SCNN1A: variants seen among roughly 807,000 people sequenced by gnomAD.
SCNN1A encodes epithelial sodium channel subunit alpha.
A neutral mutation model predicts 68.6 loss-of-function variants in SCNN1A; 65 were observed. That is an observed-to-expected ratio of 0.95 (90% CI 0.78 to 1.16). SCNN1A has a LOEUF of 1.16. SCNN1A is among the 50% of genes most tolerant of loss of function. The probability of loss-of-function intolerance (pLI) is 0.00; values close to 1 mark genes in which losing one functional copy is unlikely to be tolerated. For synonymous variants in SCNN1A, 357 were observed against 353.3 expected, an observed-to-expected ratio of 1.01 and a Z score of -0.12; for missense variants, 880 against 865.9, an observed-to-expected ratio of 1.02 and a Z score of -0.20.
At chr12:6,348,686 G>C (rs772702988) in intron 12 of SCNN1A, 41 bp downstream of exon 12, 2 of 1,541,594 alleles carry the variant, frequency 1.3e-6, no homozygotes, top group Non-Finnish European at 1.8e-6. Context: ...TGCTAAGTAA[G>C]ACCCCCAGAG....
rs776550679 is a variant in SCNN1A, at chr12:6,363,430, C to G, written c.684+13G>C. The G allele has an allele frequency of 1.3e-6, 2 of 1,539,238 alleles. No individual in the cohort carries two copies. The highest frequency in any genetic ancestry group is 1.7e-6 in the Non-Finnish European group (2 of 1,143,422). On this transcript the variant is annotated intron_variant, in intron 3 of 12. Transcript: ENST00000228916. ...GAGGGGCGGGGCGGGCCCCTCGGCG[C>G]TGCGGGCCTCACCAGCTGGAAGCCG...
chr12:6,364,019 G>A (rs895080363), intron 2 of SCNN1A: 1 of 263,160 alleles, frequency 3.8e-6, no homozygotes, highest in East Asian at 6.7e-5. Context: ...AAGGGAACCC[G>A]GAACTTGTCT....
Position 6,362,219 on chromosome 12 carries a change from C to T in SCNN1A, c.707G>A (p.Cys236Tyr). 1 of 1,614,202 alleles carries T rather than the reference C, an allele frequency of 6.2e-7. No individual in the cohort carries two copies. Among genetic ancestry groups the T allele is most frequent in the Non-Finnish European group, 8.5e-7 (1 of 1,180,012 alleles). ...CCCTGATGAGTATGTCTGGTAGAAGCAGTCCGATTTGTTCTGGTTGCACTG... is the reference window on the plus strand; with the variant it reads ...CCCTGATGAGTATGTCTGGTAGAAGTAGTCCGATTTGTTCTGGTTGCACTG... ...FQLCNQNKSD[C>Y]FYQTYSSGVD... The change falls in exon 4 of 13, where the codon TGC (cysteine) becomes TAC (tyrosine). Residue 236 changes from cysteine (C) to tyrosine (Y), a missense_variant. By Grantham distance (194) the Cys-to-Tyr change is radical (BLOSUM62 -2). This residue lies in a region of SCNN1A where 758 missense variants were observed against 721.8 expected (regional missense o/e 1.05). Transcript: ENST00000228916.
intron 8 of SCNN1A, chr12:6,349,972 C>T (rs896816493): frequency 8.3e-5 from 16 of 192,230 alleles, no homozygotes; most frequent in South Asian, 4.7e-4. Context: ...GTGATCTGCC[C>T]GCCTCGGCCT....
chr12:6,373,010 A>T (rs1291751117), intron 2 of SCNN1A, among the ~76,000 whole-genome samples: 15 of 152,164 alleles, frequency 9.9e-5, no homozygotes, highest in Admixed American at 9.8e-4. Flanking sequence ...GGCTTGTAAG[A>T]TGTGAGAATG....
Position 6,347,870 on chromosome 12 carries a change from C to A in SCNN1A, c.*3G>T. 4 of 1,600,372 alleles carry A rather than the reference C, an allele frequency of 2.5e-6. No homozygotes were observed. Among genetic ancestry groups the A allele is most frequent in the Non-Finnish European group, 3.4e-6 (4 of 1,173,578 alleles). On this transcript the variant is annotated 3_prime_UTR_variant, in exon 13 of 13. Transcript: ENST00000228916. ...CTTGGTGTGAGAAACCTCTCCTTCC[C>A]TCTCAGGGCCCCCCCAGAGGACAGG...
At position 6,374,693 on chromosome 12, in the gene SCNN1A, G is replaced by A. The variant is rs775062010; in HGVS notation, c.91C>T (p.Leu31=). Residue 31 remains leucine (L), a synonymous_variant, in exon 2 of 13, where the codon CTG becomes TTG. Coordinates refer to ENST00000228916, the MANE Select transcript of SCNN1A (RefSeq NM_001038.6). This position sits in a 1 kb window ranked among gnomAD's most constrained non-coding sequence, Gnocchi z 6.2. ...MKGNKREEQG[L]GPEPAAPQQP... ...TGGGGCGCCGCAGGTTCGGGGCCCA[G>A]CCCCTGCTCCTCACGCTTGTTCCCC... 2 of 1,614,076 alleles carry A rather than the reference G, an allele frequency of 1.2e-6. No homozygotes were observed. Among genetic ancestry groups the A allele is most frequent in the Admixed American group, 3.3e-5 (2 of 60,024 alleles).
chr12:6,363,867 C>T (rs1019111239), intron 2 of SCNN1A, 157 bp from the exon 3 acceptor site: 1 of 481,036 alleles, frequency 2.1e-6, no homozygotes, highest in Non-Finnish European at 3.4e-6. Flanking sequence ...GGCCGTCCGG[C>T]GGTGAAGGGT....
chr12:6,362,285 T>C (rs780652588), intron 3 of SCNN1A, 44 bp from the exon 4 acceptor site: 1 of 1,578,338 alleles, frequency 6.3e-7, no homozygotes, highest in Non-Finnish European at 8.7e-7. Flanking sequence ...CAGCCGGGGA[T>C]AAGCCCCTTG....
rs150033111 is a variant in SCNN1A at position 6,362,105 on chromosome 12, G to A, written c.821C>T (p.Thr274Met). 27 of 1,614,136 alleles carry A rather than the reference G, an allele frequency of 1.7e-5. No homozygotes were observed. The highest frequency in any genetic ancestry group is 2.2e-5 in the Non-Finnish European group (26 of 1,180,036). ...GCAGGCGAAGATGAAGTTGCCCAGC[G>A]TGTCCTCCTCCAGGGATGGCAGAGT... ...PETLPSLEEDTLGNFIFACRF... is the reference protein window; with the variant it reads ...PETLPSLEEDMLGNFIFACRF... The change falls in exon 4 of 13, where the codon ACG becomes ATG. Residue 274 changes from threonine (T) to methionine (M), a missense_variant. This residue lies in a region of SCNN1A where 758 missense variants were observed against 721.8 expected (regional missense o/e 1.05). Transcript: ENST00000228916.
chr12:6,348,604 G>A (rs1203467602), intron 12 of SCNN1A, 123 bp downstream of exon 12: 2 of 935,230 alleles, frequency 2.1e-6, no homozygotes, highest in South Asian at 1.3e-5. Flanking sequence ...CTCTTCTTTG[G>A]TCCCCTGCCT....
intron 1 of SCNN1A, chr12:6,375,232 G>A (rs1948883179): frequency 2.2e-5 from 31 of 1,440,818 alleles, no homozygotes; most frequent in Non-Finnish European, 2.7e-5. Flanking sequence ...TTTCTCTTTG[G>A]GTCTCTCCTG....
intron 4 of SCNN1A, among the ~76,000 whole-genome samples, chr12:6,357,737 C>T (rs1478627109): frequency 2.0e-5 from 3 of 152,186 alleles, no homozygotes; most frequent in Middle Eastern, 3.4e-3. Context: ...GTGGCTGACG[C>T]CTGTAATCCC....
Position 6,355,358 on chromosome 12 carries a change from C to T in SCNN1A, c.1057G>A (p.Val353Met), listed in dbSNP as rs1948477052. ...AAGGCAGGTTCATCCTGCCCGTGCACCATTACCCGGGCCCCAGTCACTGTG... is the reference window on the plus strand; with the variant it reads ...AAGGCAGGTTCATCCTGCCCGTGCATCATTACCCGGGCCCCAGTCACTGTG... ...LSTVTGARVM[V>M]HGQDEPAFMD... is the part of the protein sequence containing the mutation. Residue 353 changes from valine to methionine, a missense_variant, in exon 6 of 13, where the codon GTG becomes ATG. By Grantham distance (21) the Val-to-Met change is conservative (BLOSUM62 1). This residue lies in a region of SCNN1A where 758 missense variants were observed against 721.8 expected (regional missense o/e 1.05). Coordinates refer to ENST00000228916, the MANE Select transcript of SCNN1A (RefSeq NM_001038.6). The T allele has an allele frequency of 1.2e-6, 2 of 1,613,964 alleles. No homozygotes were observed. The highest frequency in any genetic ancestry group is 1.3e-5 in the African/African-American group (1 of 75,048).
At chr12:6,357,764 G>A (rs1055103220) in intron 4 of SCNN1A, among the ~76,000 whole-genome samples, 14 of 152,012 alleles carry the variant, frequency 9.2e-5, no homozygotes, top group Non-Finnish European at 1.9e-4. Context: ...TTGGGAGGCC[G>A]AGGCGGGTGG....
chr12:6,355,235 A>T (rs1218760230), intron 6 of SCNN1A, 37 bp downstream of exon 6: 1 of 1,600,202 alleles, frequency 6.2e-7, no homozygotes, highest in Non-Finnish European at 8.5e-7. Flanking sequence ...CTGCAATCTG[A>T]GGCGCTCCTT....
intron 2 of SCNN1A, among the ~76,000 whole-genome samples, chr12:6,364,773 AAAATTAATTGCATTTCCGTCTCAAAAAG>A (rs1421472438): frequency 1.3e-5 from 2 of 152,170 alleles, no homozygotes; most frequent in Admixed American, 1.3e-4. Flanking sequence ...AAAAAAAAAA[AAAATTAATTGCATTTCCGTCTCAAAAAG>A]AAATTAATTG....
rs141756749 is a variant in SCNN1A at position 6,374,399 on chromosome 12, C to A, written c.385G>T (p.Ala129Ser). 7 of 1,614,172 alleles carry A rather than the reference C, an allele frequency of 4.3e-6. No individual in the cohort carries two copies. In the East Asian group the frequency reaches 6.7e-5, roughly 15 times the overall value. The change falls in exon 2 of 13, where the codon GCA (alanine) becomes TCA (serine). Residue 129 changes from alanine (A) to serine (S), a missense_variant. This residue lies in a region of SCNN1A where 758 missense variants were observed against 721.8 expected (regional missense o/e 1.05). Coordinates refer to ENST00000228916, the MANE Select transcript of SCNN1A (RefSeq NM_001038.6). This position sits in a 1 kb window ranked among gnomAD's most constrained non-coding sequence, Gnocchi z 6.2. Reference protein sequence around the residue: ...NLNSDKLVFPAVTICTLNPYR... With the variant: ...NLNSDKLVFPSVTICTLNPYR... Reference sequence around the variant, plus strand: ...GGATTGAGGGTGCAGATGGTCACTGCGGGGAAGACGAGCTTGTCCGAGTTG... The same window carrying A: ...GGATTGAGGGTGCAGATGGTCACTGAGGGGAAGACGAGCTTGTCCGAGTTG...
intron 10 of SCNN1A, 30 bp downstream of exon 10, chr12:6,349,134 T>C: frequency 6.2e-7 from 1 of 1,609,736 alleles, no homozygotes; most frequent in Non-Finnish European, 8.5e-7. Flanking sequence ...GGCACACACA[T>C]CCCCCACCCA....
Sources: gnomAD v4.1 joint callset for allele counts (sites outside exome capture counted in the v4.1 genomes callset) on GRCh38, gnomAD v4.1.1 for gene constraint, gnomAD v4.1.1 regional missense constraint, Gnocchi (gnomAD v3.1) non-coding constraint, MANE v1.5 for transcripts, NCBI Gene and HGNC (gene_info 2026-07-23, HGNC 2026-07-21) for gene names.